Variants in FBN2 observed in about 807,000 individuals in gnomAD.
FBN2 encodes the protein fibrillin 2.
A neutral mutation model predicts 355.6 loss-of-function variants in FBN2; 105 were observed. The ratio of observed to expected loss-of-function variants is 0.30; its 90% CI spans 0.25 to 0.35. FBN2 has a LOEUF of 0.35. Ranked by LOEUF, FBN2 falls within the 10% of genes least tolerant of loss-of-function variation. The pLI is 1.00. For missense variants in FBN2, 3,280 were observed against 3,758.7 expected, an observed-to-expected ratio of 0.87 and a Z score of 3.33; for synonymous variants, 1,350 against 1,301.2, an observed-to-expected ratio of 1.04 and a Z score of -0.81.
At chr5:128,280,460 T>C in intron 55 of FBN2, 143 bp from the exon 56 acceptor site, 1 of 659,958 alleles carries the variant, frequency 1.5e-6, no homozygotes, top group South Asian at 1.8e-5. Flanking sequence ...TGTGTGAATA[T>C]TAATTTATTT....
chr5:128,385,130 G>A (rs796435343), intron 11 of FBN2, among the ~76,000 whole-genome samples: 2 of 152,034 alleles, frequency 1.3e-5, no homozygotes, highest in African/African-American at 4.8e-5. Flanking sequence ...ATGTCACAGG[G>A]GTTTGTTGTA....
At chr5:128,323,709 A>G (rs1750458210) in intron 34 of FBN2, among the ~76,000 whole-genome samples, 1 of 152,182 alleles carries the variant, frequency 6.6e-6, no homozygotes, top group Non-Finnish European at 1.5e-5. Context: ...TTTATTGAGA[A>G]TCTTTGCATC....
chr5:128,453,061 T>A (rs1341865635), intron 6 of FBN2, among the ~76,000 whole-genome samples: 1 of 152,188 alleles, frequency 6.6e-6, no homozygotes, highest in Non-Finnish European at 1.5e-5. Context: ...ATCTGAAACA[T>A]ATGGGGTGTC....
chr5:128,448,799 T>C (rs1055025752), intron 6 of FBN2, among the ~76,000 whole-genome samples: 2 of 152,180 alleles, frequency 1.3e-5, no homozygotes, highest in Non-Finnish European at 2.9e-5. Flanking sequence ...AAGTTGTCTA[T>C]ATTCCTTGAA....
At chr5:128,514,499 T>C (rs930905069) in intron 5 of FBN2, among the ~76,000 whole-genome samples, 3 of 152,302 alleles carry the variant, frequency 2.0e-5, no homozygotes, top group South Asian at 2.1e-4. Flanking sequence ...ATATTGGTTT[T>C]TCTTATAACT....
rs1181544094 is a variant in FBN2 at position 128,413,331 on chromosome 5, A to G, written c.953-4532T>C. On this transcript the variant is annotated intron_variant, in intron 7 of 64. Coordinates refer to ENST00000262464, the MANE Select transcript of FBN2 (RefSeq NM_001999.4). Reference sequence around the variant, plus strand: ...AAGAAAAAGTCAGAGGAAGAAAAGCAGAATAGGAGTCTGGGAAGGAAGGAT... The same window carrying G: ...AAGAAAAAGTCAGAGGAAGAAAAGCGGAATAGGAGTCTGGGAAGGAAGGAT... Among the ~76,000 whole-genome samples the G allele has an allele frequency of 2.6e-5, 4 of 152,292 alleles. No homozygotes were observed. In the East Asian group the frequency reaches 7.7e-4, roughly 29 times the overall value.
At chr5:128,512,083 A>G (rs1414227256) in intron 5 of FBN2, among the ~76,000 whole-genome samples, 1 of 152,194 alleles carries the variant, frequency 6.6e-6, no homozygotes, top group Non-Finnish European at 1.5e-5. Flanking sequence ...ATGATATACA[A>G]TATTTTCCAG....
chr5:128,416,091 A>T (rs1274209742), intron 7 of FBN2, among the ~76,000 whole-genome samples: 1 of 147,790 alleles, frequency 6.8e-6, no homozygotes, highest in African/African-American at 2.5e-5. Flanking sequence ...CAATGGGGCG[A>T]TCTCGGCTCA....
chr5:128,335,264 G>A lies in FBN2; in HGVS notation c.3879C>T (p.Ile1293=), dbSNP rs1394445340. ...DIDECENNPD[I]CDGGQCTNIP... ...TGTTGGTACACTGGCCGCCATCACA[G>A]ATATCAGGATTGTTTTCACATTCAT... The change falls in exon 30 of 65, where the codon ATC becomes ATT. Residue 1293 remains isoleucine (I), a synonymous_variant. Coordinates refer to ENST00000262464, the MANE Select transcript of FBN2 (RefSeq NM_001999.4). 6.2e-7 allele frequency: 1 copy of A among 1,614,104 alleles called. No individual in the cohort carries two copies. Among genetic ancestry groups the A allele is most frequent in the Non-Finnish European group, 8.5e-7 (1 of 1,179,950 alleles).
At chr5:128,396,769 C>T (rs1752660813) in intron 8 of FBN2, among the ~76,000 whole-genome samples, 1 of 152,218 alleles carries the variant, frequency 6.6e-6, no homozygotes, top group Admixed American at 6.5e-5. Flanking sequence ...TCATTAACAA[C>T]ATATTATTCA....
rs73347130 is a variant in FBN2 at position 128,440,666 on chromosome 5, A to G, written c.952+5815T>C. On this transcript the variant is annotated intron_variant, in intron 7 of 64. Coordinates refer to ENST00000262464, the MANE Select transcript of FBN2 (RefSeq NM_001999.4). ...CCATATCAACTACCTTCTGTGAACA[A>G]AGATAAAATTAGTTCAGTTCCACTT... is the stretch of plus-strand genomic sequence containing the variant. 7.4e-3 allele frequency among the ~76,000 whole-genome samples: 1,120 copies of G among 152,328 alleles called. 16 individuals carry two copies. The highest frequency in any genetic ancestry group is 0.025 in the African/African-American group (1,034 of 41,574).
intron 14 of FBN2, among the ~76,000 whole-genome samples, chr5:128,375,010 G>A (rs1423631598): frequency 1.3e-5 from 2 of 151,968 alleles, no homozygotes; most frequent in African/African-American, 4.8e-5. Context: ...CCCATTTAAC[G>A]CTAAATAATT....
At chr5:128,348,664 T>C (rs1218505926) in intron 23 of FBN2, among the ~76,000 whole-genome samples, 1 of 152,108 alleles carries the variant, frequency 6.6e-6, no homozygotes, top group African/African-American at 2.4e-5. Context: ...AATTTACTGT[T>C]CCATAGCTTA....
chr5:128,345,248 G>C (rs1392997009), intron 24 of FBN2, 109 bp downstream of exon 24: 1 of 923,866 alleles, frequency 1.1e-6, no homozygotes, highest in Non-Finnish European at 1.8e-6. Flanking sequence ...AAGTTTAACT[G>C]AGAAAATAAA....
chr5:128,369,128 T>C (rs773622265), intron 16 of FBN2, 54 bp downstream of exon 16: 6 of 1,575,824 alleles, frequency 3.8e-6, no homozygotes, highest in Non-Finnish European at 5.2e-6. Context: ...GCCAAACATC[T>C]AAGGTTGTAT....
intron 63 of FBN2, 50 bp from the exon 64 acceptor site, chr5:128,261,957 T>C (rs763263322): frequency 2.6e-6 from 4 of 1,517,994 alleles, no homozygotes; most frequent in Non-Finnish European, 2.7e-6. Context: ...GACTTGACCA[T>C]AGTTTTCCAG....
At position 128,310,362 on chromosome 5, in the gene FBN2, GCA is replaced by G. The variant is rs201693348; in HGVS notation, c.5075-256_5075-255del. On this transcript the variant is annotated intron_variant, in intron 39 of 64. Transcript: ENST00000262464. ...AAAGTGGCAAAAAATAATTTCCTTG[GCA>G]CATATATATATATATATATATATAT... Among the ~76,000 whole-genome samples, 22,959 of 112,042 alleles carry G rather than the reference GCA, an allele frequency of 0.2. 2,241 individuals carry two copies. The highest frequency in any genetic ancestry group is 0.25 in the African/African-American group (7,735 of 30,998). The allele number at this position is 112,042 out of a possible 152,430, so 73.5% of individuals were successfully genotyped here. A position where few individuals can be genotyped will look rare whatever the true frequency, so the allele number is the denominator to read the frequency against.
At chr5:128,525,841 G>C (rs1756545958) in intron 4 of FBN2, among the ~76,000 whole-genome samples, 1 of 152,108 alleles carries the variant, frequency 6.6e-6, no homozygotes, top group South Asian at 2.1e-4. Flanking sequence ...TCAGTCACAA[G>C]TGAAAATTGT....
intron 64 of FBN2, 140 bp downstream of exon 64, chr5:128,261,596 T>A (rs922609667): frequency 6.4e-6 from 5 of 776,836 alleles, no homozygotes; most frequent in Non-Finnish European, 1.1e-5. Context: ...ACTTGTCTTT[T>A]CCATACTGGG....
Sources: gnomAD v4.1 joint callset for allele counts (sites outside exome capture counted in the v4.1 genomes callset) on GRCh38, gnomAD v4.1.1 for gene constraint, MANE v1.5 for transcripts, NCBI Gene and HGNC (gene_info 2026-07-23, HGNC 2026-07-21) for gene names.